The following ANK3 variants were observed in gnomAD, a reference collection of about 807,000 sequenced individuals.
The protein encoded by ANK3 is ankyrin 3.
ANK3 carries 57 observed loss-of-function variants against 370.9 expected under a neutral mutation model. The observed-to-expected ratio is 0.15, with a 90% CI of 0.12 to 0.19. The LOEUF is 0.19. ANK3 is among the 10% of genes least tolerant of loss of function. ANK3 has a pLI of 1.00. For synonymous variants in ANK3, 1,929 were observed against 1,946.3 expected (o/e 0.99, Z 0.23); for missense variants, 4,439 against 5,302.1 (o/e 0.84, Z 5.06).
intron 2 of ANK3, among the ~76,000 whole-genome samples, chr10:60,447,717 T>C (rs1010572468): frequency 7.9e-5 from 12 of 152,082 alleles, no homozygotes; most frequent in Admixed American, 6.6e-4. Context: ...CTTATTCCTG[T>C]GAATGAAATG....
chr10:60,083,110 G>A (rs920871481), intron 33 of ANK3, among the ~76,000 whole-genome samples: 5 of 152,086 alleles, frequency 3.3e-5, no homozygotes, highest in African/African-American at 1.2e-4. Context: ...GGAGAGAGAA[G>A]GTGATCCCTC....
intron 2 of ANK3, among the ~76,000 whole-genome samples, chr10:60,496,896 A>G (rs1380313189): frequency 6.6e-6 from 1 of 152,112 alleles, no homozygotes; most frequent in Non-Finnish European, 1.5e-5. Context: ...TATCTTTACT[A>G]TTTACCAAAA....
In ANK3 at chr10:60,240,040, T is replaced by C. The variant is rs9665620; in HGVS notation, c.799-5254A>G. 1.2e-3 allele frequency among the ~76,000 whole-genome samples: 169 copies of C among 142,890 alleles called. 2 individuals are homozygous for C. The highest frequency in any genetic ancestry group is 4.1e-3 in the African/African-American group (155 of 38,194). The allele number at this position is 142,890 out of a possible 152,430, so 93.7% of individuals were successfully genotyped here. A position where few individuals can be genotyped will look rare whatever the true frequency, so the allele number is the denominator to read the frequency against. ...ACATATATACACATATATATACACATATATATACATATATACACATATATA... is the reference window on the plus strand; with the variant it reads ...ACATATATACACATATATATACACACATATATACATATATACACATATATA... On this transcript the variant is annotated intron_variant, in intron 7 of 43. Coordinates refer to ENST00000280772, the MANE Select transcript of ANK3 (RefSeq NM_020987.5).
At chr10:60,438,094 T>C (rs1192069930) in intron 2 of ANK3, among the ~76,000 whole-genome samples, 4 of 152,316 alleles carry the variant, frequency 2.6e-5, no homozygotes, top group African/African-American at 4.8e-5. Context: ...CTGACCCTTA[T>C]GTATGATGGT....
intron 2 of ANK3, among the ~76,000 whole-genome samples, chr10:60,429,865 ATC>A (rs1179333323): frequency 6.6e-6 from 1 of 152,174 alleles, no homozygotes; most frequent in Non-Finnish European, 1.5e-5. Flanking sequence ...ATCACTTTGA[ATC>A]TCATATTTTA....
In ANK3 at chr10:60,071,835, T is replaced by C; in HGVS notation, c.9046A>G (p.Lys3016Glu). 1 of 1,613,090 alleles carries C rather than the reference T, an allele frequency of 6.2e-7. No individual in the cohort carries two copies. Among genetic ancestry groups the C allele is most frequent in the East Asian group, 2.2e-5 (1 of 44,860 alleles). The change falls in exon 37 of 44, where the codon AAA becomes GAA. Residue 3016 changes from lysine to glutamate, a missense_variant. Physicochemically the swap from Lys to Glu is moderately conservative, Grantham distance 56. Around this residue, in one of 13 missense-constraint regions of ANK3, gnomAD observed 1,601 missense variants for 1,731.7 expected, o/e 0.92. Transcript: ENST00000280772. The part of the protein sequence containing the change: ...TQHFNSIEDE[K>E]VTYSEISKVS... ...TTGCTGATTTCTGAATAGGTAACTT[T>C]TTCATCTTCTATAGAATTAAAGTGC...
chr10:60,036,003 T>TA (rs1485774342), intron 43 of ANK3, among the ~76,000 whole-genome samples: 8 of 152,206 alleles, frequency 5.3e-5, no homozygotes, highest in Admixed American at 1.3e-4. Flanking sequence ...CCCATAGCTC[T>TA]GACTTCTGAG....
chr10:60,033,342 C>T (rs1305271022), intron 43 of ANK3, among the ~76,000 whole-genome samples: 1 of 151,878 alleles, frequency 6.6e-6, no homozygotes, highest in Non-Finnish European at 1.5e-5. Flanking sequence ...TGGTGAAACC[C>T]AGCCTCTACT....
chr10:60,179,058 A>G (rs972607518), intron 18 of ANK3, among the ~76,000 whole-genome samples: 1 of 152,180 alleles, frequency 6.6e-6, no homozygotes, highest in Non-Finnish European at 1.5e-5. Flanking sequence ...TTATTTTTGC[A>G]TGTAAGCCAA....
intron 1 of ANK3, among the ~76,000 whole-genome samples, chr10:60,707,558 T>C (rs1336479204): frequency 2.6e-5 from 4 of 151,940 alleles, no homozygotes; most frequent in African/African-American, 9.6e-5. Context: ...CTCCACAAAA[T>C]ACAGTTCTGA....
intron 2 of ANK3, among the ~76,000 whole-genome samples, chr10:60,537,756 T>C (rs1192336406): frequency 1.3e-5 from 2 of 151,938 alleles, no homozygotes; most frequent in Non-Finnish European, 2.9e-5. Context: ...TCATATTTGA[T>C]TTTCAAAAAT....
chr10:60,617,022 A>G (rs192444615), intron 1 of ANK3, among the ~76,000 whole-genome samples: 3 of 152,186 alleles, frequency 2.0e-5, no homozygotes, highest in Admixed American at 2.0e-4. Context: ...GTGGGTTTCT[A>G]TTGATTTATA....
intron 2 of ANK3, among the ~76,000 whole-genome samples, chr10:60,478,339 TA>T (rs1482806627): frequency 1.3e-5 from 2 of 152,166 alleles, no homozygotes; most frequent in South Asian, 2.1e-4. Context: ...TCTGCAATGC[TA>T]AAAAAATCTG....
intron 2 of ANK3, among the ~76,000 whole-genome samples, chr10:60,543,518 G>GA (rs1232721920): frequency 1.3e-5 from 2 of 151,484 alleles, no homozygotes; most frequent in East Asian, 1.9e-4. Flanking sequence ...CAGTTCCAGG[G>GA]AAAAAAAATA....
chr10:60,240,203 C>T (rs1347696674), intron 7 of ANK3, among the ~76,000 whole-genome samples: 18 of 135,208 alleles, frequency 1.3e-4, no homozygotes, highest in East Asian at 4.1e-4. Context: ...TACACACACA[C>T]ATATATATAC....
At chr10:60,554,570 A>T (rs1012313562) in intron 2 of ANK3, among the ~76,000 whole-genome samples, 1 of 152,234 alleles carries the variant, frequency 6.6e-6, no homozygotes, top group Non-Finnish European at 1.5e-5. Flanking sequence ...AAATGAATGC[A>T]TTCTAAAGTA....
In ANK3 at chr10:60,643,500, A is replaced by ATCTATC. The variant is rs2078663991; in HGVS notation, c.58-28277_58-28276insGATAGA. 7.2e-4 allele frequency among the ~76,000 whole-genome samples: 105 copies of ATCTATC among 146,816 alleles called. 1 individual carries two copies. Among genetic ancestry groups the ATCTATC allele is most frequent in the African/African-American group, 2.4e-3 (95 of 40,232 alleles). On this transcript the variant is annotated intron_variant, in intron 1 of 43. Coordinates refer to the ANK3 transcript ENST00000373827. ...GTTAATACTTAATAAACTCCCCTTT[A>ATCTATC]TATCTATCTATCTATCTATCTATCT...
Position 60,664,854 on chromosome 10 carries a change from G to T in ANK3, c.58-49630C>A, listed in dbSNP as rs16915324. On this transcript the variant is annotated intron_variant, in intron 1 of 43. Coordinates refer to the ANK3 transcript ENST00000373827. Reference sequence around the variant, plus strand: ...TTCAAGTGCATAGATGCTAAATGTCGATTAAGAAGAATGTAAGAGGAGTAA... The same window carrying T: ...TTCAAGTGCATAGATGCTAAATGTCTATTAAGAAGAATGTAAGAGGAGTAA... 5.3e-3 allele frequency among the ~76,000 whole-genome samples: 807 copies of T among 152,270 alleles called. 7 individuals carry two copies. The highest frequency in any genetic ancestry group is 0.018 in the African/African-American group (761 of 41,554).
chr10:60,342,876 C>T (rs979518200), intron 1 of ANK3, among the ~76,000 whole-genome samples: 3 of 152,140 alleles, frequency 2.0e-5, no homozygotes, highest in Non-Finnish European at 4.4e-5. Context: ...TATACCAATC[C>T]CTCTCTTGAA....
Sources: gnomAD v4.1 joint callset for allele counts (sites outside exome capture counted in the v4.1 genomes callset) on GRCh38, gnomAD v4.1.1 for gene constraint, gnomAD v4.1.1 regional missense constraint, MANE v1.5 for transcripts, NCBI Gene and HGNC (gene_info 2026-07-23, HGNC 2026-07-21) for gene names.